UGT1A4: variants seen among roughly 807,000 people sequenced by gnomAD.
The protein encoded by UGT1A4 is UDP-glucuronosyltransferase 1A4.
A neutral mutation model predicts 41.1 loss-of-function variants in UGT1A4; 32 were observed. The ratio of observed to expected loss-of-function variants is 0.78; its 90% CI spans 0.59 to 1.05. UGT1A4 has a LOEUF of 1.05. Ranked by LOEUF, UGT1A4 falls within the 50% of genes least tolerant of loss-of-function variation. The probability of loss-of-function intolerance (pLI) is 0.00; values close to 1 mark genes in which losing one functional copy is unlikely to be tolerated. For synonymous variants in UGT1A4, 283 were observed against 265.1 expected, an observed-to-expected ratio of 1.07 and a Z score of -0.66; for missense variants, 748 against 677.4, an observed-to-expected ratio of 1.10 and a Z score of -1.16.
chr2:233,755,235 C>G (rs1346915931), intron 1 of UGT1A4: 5 of 904,804 alleles, frequency 5.5e-6, no homozygotes, highest in Non-Finnish European at 8.2e-6. Flanking sequence ...CGAGGCCTAC[C>G]GGGGTACTCC....
At chr2:233,748,569 T>C (rs556466640) in intron 1 of UGT1A4, among the ~76,000 whole-genome samples, 1 of 151,818 alleles carries the variant, frequency 6.6e-6, no homozygotes, top group African/African-American at 2.4e-5. Context: ...GAAGTAGAAG[T>C]GTTAAAGAGG....
intron 1 of UGT1A4, chr2:233,743,799 C>T: frequency 7.3e-7 from 1 of 1,367,352 alleles, no homozygotes. Flanking sequence ...TCCGCTTCCT[C>T]CTTGTTCTCA....
chr2:233,735,402 G>GTC (rs746595831), intron 1 of UGT1A4, among the ~76,000 whole-genome samples: 10 of 152,138 alleles, frequency 6.6e-5, no homozygotes, highest in East Asian at 5.8e-4. Context: ...GCCTATGTGT[G>GTC]TCTCTGCATG....
At chr2:233,755,943 TC>T (rs1252557190) in intron 1 of UGT1A4, 1 of 62,766 alleles carries the variant, frequency 1.6e-5, no homozygotes, top group African/African-American at 8.0e-5. Context: ...TTTTTGCATC[TC>T]TCTCTTTAGT....
rs1699515943 is a variant in UGT1A4 at position 233,767,916 on chromosome 2, T to A, written c.1067T>A (p.Leu356Gln). The A allele has an allele frequency of 6.2e-7, 1 of 1,614,242 alleles. No homozygotes were observed. Among genetic ancestry groups the A allele is most frequent in the Non-Finnish European group, 8.5e-7 (1 of 1,180,052 alleles). The stretch of plus-strand genomic sequence containing the variant: ...AACAACACGATACTTGTTAAGTGGC[T>A]ACCCCAAAACGATCTGCTTGGTATG... ...LANNTILVKW[L>Q]PQNDLLGHPM... The change falls in exon 3 of 5, where the codon CTA becomes CAA. Residue 356 changes from leucine (L) to glutamine (Q), a missense_variant. By Grantham distance (113) the Leu-to-Gln change is moderately radical. Coordinates refer to ENST00000373409, the MANE Select transcript of UGT1A4 (RefSeq NM_007120.3).
chr2:233,747,785 C>T, intron 1 of UGT1A4: 1 of 1,613,494 alleles, frequency 6.2e-7, no homozygotes, highest in Non-Finnish European at 8.5e-7. Context: ...CAAATCCTTC[C>T]TCCTATATTC....
rs371021401 is a variant in UGT1A4, at chr2:233,729,953, T to C, written c.867+10266T>C. The stretch of plus-strand genomic sequence containing the variant: ...CCAATCATGCCCAACATGGTCTTCA[T>C]TGGGGGCATCAACTGTGCCAACAGG... On this transcript the variant is annotated intron_variant, in intron 1 of 4. Transcript: ENST00000373409. 4.9e-4 allele frequency: 788 copies of C among 1,614,064 alleles called. 2 individuals are homozygous for C. In the South Asian group the frequency reaches 7.7e-3, roughly 16 times the overall value.
chr2:233,760,973 C>A lies in UGT1A4; in HGVS notation c.868-6061C>A, dbSNP rs35350960. 4.8e-4 allele frequency: 769 copies of A among 1,614,172 alleles called. 15 individuals carry two copies. The East Asian group carries it at 0.013, about 27-fold the overall frequency. The stretch of plus-strand genomic sequence containing the variant: ...TTTCTGTGCGACGTGGTTTATTCCC[C>A]GTATGCAACCCTTGCCTCAGAATTC... On this transcript the variant is annotated intron_variant, in intron 1 of 4. Coordinates refer to ENST00000373409, the MANE Select transcript of UGT1A4 (RefSeq NM_007120.3).
At chr2:233,761,658 A>C (rs1473319616) in intron 1 of UGT1A4, among the ~76,000 whole-genome samples, 1 of 152,256 alleles carries the variant, frequency 6.6e-6, no homozygotes, top group African/African-American at 2.4e-5. Context: ...TAATGAGTGA[A>C]TCACCAGACA....
chr2:233,754,301 G>C (rs576538259), intron 1 of UGT1A4: 100 of 236,450 alleles, frequency 4.2e-4, no homozygotes, highest in African/African-American at 2.0e-3. Flanking sequence ...CTAGCACTAG[G>C]AAATAATCAT....
Position 233,772,812 on chromosome 2 carries a change from C to A in UGT1A4, c.*253C>A. ...ATGACATGTGCCATTTTTCAGAGGA[C>A]GTGCAGACAGGCTGGCATTCTAGAT... is the stretch of plus-strand genomic sequence containing the variant. On this transcript the variant is annotated 3_prime_UTR_variant, in exon 5 of 5. Transcript: ENST00000373409. The A allele has an allele frequency of 1.9e-6, 2 of 1,035,896 alleles. No homozygotes were observed. Among genetic ancestry groups the A allele is most frequent in the Non-Finnish European group, 2.6e-6 (2 of 759,452 alleles). 64.2% of individuals were successfully genotyped at this position (1,035,896 alleles called of 1,614,324 possible). A position where few individuals can be genotyped will look rare whatever the true frequency, so the allele number is the denominator to read the frequency against.
intron 1 of UGT1A4, chr2:233,755,094 G>A (rs1173383438): frequency 1.5e-6 from 2 of 1,335,004 alleles, no homozygotes; most frequent in Non-Finnish European, 2.0e-6. Flanking sequence ...GCGTTTCTAC[G>A]CGTCCGACAA....
chr2:233,751,768 A>C lies in UGT1A4; in HGVS notation c.868-15266A>C, dbSNP rs142654727. Among the ~76,000 whole-genome samples, 1,484 of 152,208 alleles carry C rather than the reference A, an allele frequency of 9.7e-3. 20 individuals carry two copies. The highest frequency in any genetic ancestry group is 0.034 in the African/African-American group (1,414 of 41,516). On this transcript the variant is annotated intron_variant, in intron 1 of 4. Coordinates refer to ENST00000373409, the MANE Select transcript of UGT1A4 (RefSeq NM_007120.3). ...CTTGCTTGCTGCCATGTGAGACATGACTTTGCTTATCTCTCACCTTCTGTC... is the reference window on the plus strand; with the variant it reads ...CTTGCTTGCTGCCATGTGAGACATGCCTTTGCTTATCTCTCACCTTCTGTC...
intron 1 of UGT1A4, among the ~76,000 whole-genome samples, chr2:233,731,261 T>C (rs1490710727): frequency 2.6e-5 from 4 of 151,726 alleles, no homozygotes; most frequent in Non-Finnish European, 4.4e-5. Flanking sequence ...AAATAGTGAC[T>C]GTTGCCCTTC....
chr2:233,734,671 A>T (rs1355511130), intron 1 of UGT1A4, among the ~76,000 whole-genome samples: 2 of 152,154 alleles, frequency 1.3e-5, no homozygotes, highest in African/African-American at 4.8e-5. Context: ...ATTTCCCTCT[A>T]CACACTGATT....
At chr2:233,767,191 C>T (rs1476411384) in intron 2 of UGT1A4, 26 bp downstream of exon 2, 2 of 1,613,814 alleles carry the variant, frequency 1.2e-6, no homozygotes, top group Non-Finnish European at 1.7e-6. Context: ...ACCATGGCCT[C>T]ATATCTATTT....
intron 1 of UGT1A4, among the ~76,000 whole-genome samples, chr2:233,757,151 G>T (rs1696421194): frequency 6.6e-6 from 1 of 151,298 alleles, no homozygotes; most frequent in African/African-American, 2.4e-5. Flanking sequence ...GGTGGGCTGG[G>T]GTCTATCCCA....
chr2:233,728,196 A>G (rs1328126266), intron 1 of UGT1A4, among the ~76,000 whole-genome samples: 1 of 152,202 alleles, frequency 6.6e-6, no homozygotes, highest in East Asian at 1.9e-4. Flanking sequence ...TTGGTGCTGG[A>G]TTGACTTGGA....
chr2:233,747,643 C>T (rs1693738898), intron 1 of UGT1A4: 1 of 1,585,416 alleles, frequency 6.3e-7, no homozygotes, highest in East Asian at 2.2e-5. Context: ...CTGAATGCTA[C>T]TTCCTTCGAT....
Sources: gnomAD v4.1 joint callset for allele counts (sites outside exome capture counted in the v4.1 genomes callset) on GRCh38, gnomAD v4.1.1 for gene constraint, MANE v1.5 for transcripts, NCBI Gene and HGNC (gene_info 2026-07-23, HGNC 2026-07-21) for gene names.